FGD6: variants seen among roughly 807,000 people sequenced by gnomAD.
FGD6 encodes FYVE, RhoGEF and PH domain containing 6, also known as FYVE, RhoGEF and PH domain-containing protein 6.
A neutral mutation model predicts 149.4 loss-of-function variants in FGD6; 90 were observed. The ratio of observed to expected loss-of-function variants is 0.60; its 90% CI spans 0.51 to 0.72. The LOEUF (loss-of-function observed/expected upper bound fraction) is 0.72. FGD6 is among the 30% of genes least tolerant of loss of function. The pLI, the probability that FGD6 is intolerant of heterozygous loss-of-function variation, is 0.00. For synonymous variants in FGD6, 527 were observed against 584.0 expected, an observed-to-expected ratio of 0.90 and a Z score of 1.41; for missense variants, 1,437 against 1,684.8, an observed-to-expected ratio of 0.85 and a Z score of 2.57.
intron 6 of FGD6, among the ~76,000 whole-genome samples, chr12:95,139,627 C>T (rs976145483): frequency 1.3e-5 from 2 of 151,246 alleles, no homozygotes; most frequent in Non-Finnish European, 1.5e-5. Context: ...TGAGCCACAG[C>T]GCCCAGCCAG....
intron 3 of FGD6, among the ~76,000 whole-genome samples, chr12:95,168,970 A>G (rs1352296688): frequency 6.6e-6 from 1 of 152,230 alleles, no homozygotes; most frequent in African/African-American, 2.4e-5. Context: ...CTGTGGCCAG[A>G]TGGATTAACA....
intron 2 of FGD6, among the ~76,000 whole-genome samples, chr12:95,174,424 C>T (rs1475054827): frequency 2.0e-5 from 3 of 152,118 alleles, no homozygotes; most frequent in Non-Finnish European, 4.4e-5. Context: ...CAATCGGCAG[C>T]AGCATCACCT....
chr12:95,135,628 T>C (rs1353974377), intron 7 of FGD6, among the ~76,000 whole-genome samples: 2 of 152,172 alleles, frequency 1.3e-5, no homozygotes, highest in African/African-American at 4.8e-5. Context: ...AAAATGTCCC[T>C]GCATCCTAAG....
intron 3 of FGD6, among the ~76,000 whole-genome samples, chr12:95,156,986 A>G (rs999080328): frequency 1.3e-5 from 2 of 152,174 alleles, no homozygotes; most frequent in African/African-American, 2.4e-5. Flanking sequence ...TCTCTCTTCA[A>G]TATCTGCCAG....
chr12:95,156,178 T>C (rs1034146639), intron 3 of FGD6, among the ~76,000 whole-genome samples: 2 of 152,178 alleles, frequency 1.3e-5, no homozygotes, highest in Non-Finnish European at 2.9e-5. Flanking sequence ...GTAACAGCAA[T>C]GTTCAGGGAA....
Position 95,081,534 on chromosome 12 carries a change from C to T in FGD6, c.4279G>A (p.Gly1427Ser), listed in dbSNP as rs1565890354. Residue 1427 changes from glycine to serine, a missense_variant, in exon 21 of 21, where the codon GGC becomes AGC. Gly to Ser is a moderately conservative substitution (Grantham distance 56). Coordinates refer to ENST00000343958, the MANE Select transcript of FGD6 (RefSeq NM_018351.4). ...AQKWIEAFQEGTIL is the reference protein window; with the variant it reads ...AQKWIEAFQESTIL Reference sequence around the variant, plus strand: ...AACCAATACTGCTACAATATTGTGCCTTCCTGAAATGCTTCTATCCACCTA... The same window carrying T: ...AACCAATACTGCTACAATATTGTGCTTTCCTGAAATGCTTCTATCCACCTA... The T allele has an allele frequency of 6.2e-7, 1 of 1,606,110 alleles. No homozygotes were observed. Among genetic ancestry groups the T allele is most frequent in the Non-Finnish European group, 8.5e-7 (1 of 1,176,566 alleles).
At chr12:95,213,739 T>C (rs1278779117) in intron 1 of FGD6, among the ~76,000 whole-genome samples, 1 of 152,218 alleles carries the variant, frequency 6.6e-6, no homozygotes, top group African/African-American at 2.4e-5. Flanking sequence ...TGTTCTAGTG[T>C]CACAGAAATT....
rs537344143 is a variant in FGD6, at chr12:95,128,512, C to T, written c.3082+6227G>A. Among the ~76,000 whole-genome samples the T allele has an allele frequency of 2.0e-5, 3 of 152,314 alleles. No homozygotes were observed. In the East Asian group the frequency reaches 5.8e-4, roughly 29 times the overall value. The stretch of plus-strand genomic sequence containing the variant: ...CAACTCAGTGCTGGGATTACAGGCA[C>T]GAGCCACCATGCCCAGCCCTGCCTC... On this transcript the variant is annotated intron_variant, in intron 8 of 20. Transcript: ENST00000343958.
intron 8 of FGD6, among the ~76,000 whole-genome samples, chr12:95,120,246 T>A (rs961366323): frequency 6.7e-6 from 1 of 150,358 alleles, no homozygotes; most frequent in Admixed American, 6.6e-5. Flanking sequence ...TAAATAAAAA[T>A]AAATAAATAA....
chr12:95,095,776 G>A (rs1259683228), intron 14 of FGD6, among the ~76,000 whole-genome samples: 1 of 152,164 alleles, frequency 6.6e-6, no homozygotes, highest in East Asian at 1.9e-4. Context: ...CACTTTGGGA[G>A]GCTAAGGCGG....
chr12:95,200,057 T>C (rs757998467), intron 2 of FGD6, among the ~76,000 whole-genome samples: 19 of 152,178 alleles, frequency 1.2e-4, no homozygotes, highest in Non-Finnish European at 2.2e-4. Context: ...GCTTTTCAGA[T>C]ATAAAACAAA....
At chr12:95,141,703 T>A (rs75700482) in intron 5 of FGD6, among the ~76,000 whole-genome samples, 164 bp from the exon 6 acceptor site, 4,412 of 152,256 alleles carry the variant, frequency 0.029, 140 homozygotes, top group Middle Eastern at 0.092. Context: ...CCCACTCACC[T>A]AGATAGGAAA....
rs1415509177 is a variant in FGD6, at chr12:95,148,841, G to A, written c.2685+3970C>T. 2.6e-5 allele frequency among the ~76,000 whole-genome samples: 2 copies of A among 78,416 alleles called. 1 individual carries two copies. Among genetic ancestry groups the A allele is most frequent in the Non-Finnish European group, 4.6e-5 (2 of 43,874 alleles). 51.4% of individuals were successfully genotyped at this position (78,416 alleles called of 152,430 possible). On this transcript the variant is annotated intron_variant, in intron 5 of 20. Transcript: ENST00000343958. ...TATTATATATATTATATAATATATA[G>A]CATATATTATATATATTATATAAGA...
chr12:95,175,694 G>A (rs28683033), intron 2 of FGD6, among the ~76,000 whole-genome samples: 1 of 151,818 alleles, frequency 6.6e-6, no homozygotes, highest in Admixed American at 6.6e-5. Context: ...GCAGTACTCA[G>A]GAGGCTGAGG....
chr12:95,083,004 A>AT (rs1329564590), intron 20 of FGD6, among the ~76,000 whole-genome samples: 365 of 48,880 alleles, frequency 7.5e-3, no homozygotes, highest in Non-Finnish European at 0.012. Flanking sequence ...AAAAAAAAAA[A>AT]AAAAAAAAAT....
chr12:95,149,356 A>G (rs1592852896), intron 5 of FGD6, among the ~76,000 whole-genome samples: 1 of 113,558 alleles, frequency 8.8e-6, no homozygotes, highest in East Asian at 2.3e-4. Flanking sequence ...TATAGCATAT[A>G]TTATATTATA....
intron 7 of FGD6, among the ~76,000 whole-genome samples, chr12:95,136,890 C>T (rs1565905266): frequency 2.0e-5 from 3 of 152,120 alleles, no homozygotes; most frequent in East Asian, 1.9e-4. Context: ...AGAATGTCAA[C>T]GTACTTAACA....
intron 5 of FGD6, among the ~76,000 whole-genome samples, chr12:95,148,005 G>A (rs1880064808): frequency 6.6e-6 from 1 of 152,032 alleles, no homozygotes; most frequent in Non-Finnish European, 1.5e-5. Flanking sequence ...ACCAAACCAA[G>A]GTAGGGAAAA....
intron 2 of FGD6, among the ~76,000 whole-genome samples, chr12:95,193,460 C>T (rs1881647765): frequency 6.6e-6 from 1 of 151,512 alleles, no homozygotes; most frequent in African/African-American, 2.4e-5. Flanking sequence ...TGGGTTCAAG[C>T]AATTCTCCTG....
Sources: allele counts gnomAD v4.1 joint callset (sites outside exome capture counted in the v4.1 genomes callset), GRCh38; gene constraint gnomAD v4.1.1; transcripts MANE v1.5; gene names NCBI Gene and HGNC (gene_info 2026-07-23, HGNC 2026-07-21).